Variants in MEIKIN observed in about 807,000 individuals in gnomAD.
MEIKIN encodes the protein meiotic kinetochore factor, also known as meiosis-specific kinetochore protein.
chr5:131,904,333 A>G (rs1463071211), intron 8 of MEIKIN, among the ~76,000 whole-genome samples: 1 of 152,216 alleles, frequency 6.6e-6, no homozygotes, highest in African/African-American at 2.4e-5. Context: ...ATAGATATCT[A>G]CAGAACTCTC....
rs866711718 is a variant in MEIKIN, at chr5:131,887,675, G to C, written c.704-8627C>G. 3.3e-5 allele frequency among the ~76,000 whole-genome samples: 5 copies of C among 150,618 alleles called. No homozygotes were observed. In the East Asian group the frequency reaches 9.8e-4, roughly 29 times the overall value. ...TGTTCATATCCTTTGCTCATTTTTT[G>C]TTGGGTTTTTTTCTTGTAAATTTGT... is the stretch of plus-strand genomic sequence containing the variant. On this transcript the variant is annotated intron_variant, in intron 8 of 12. Coordinates refer to ENST00000442687, the MANE Select transcript of MEIKIN (RefSeq NM_001303622.2).
chr5:131,895,024 T>C (rs1301505980), intron 8 of MEIKIN, among the ~76,000 whole-genome samples: 2 of 152,208 alleles, frequency 1.3e-5, no homozygotes, highest in East Asian at 1.9e-4. Context: ...CAGTATGATA[T>C]TGGCTGTAGG....
Position 131,925,848 on chromosome 5 carries a change from A to T in MEIKIN, c.479-3907T>A, listed in dbSNP as rs115239716. Among the ~76,000 whole-genome samples the T allele has an allele frequency of 3.4e-3, 514 of 151,962 alleles. 4 individuals are homozygous for T. The highest frequency in any genetic ancestry group is 0.012 in the African/African-American group (489 of 41,460). On this transcript the variant is annotated intron_variant, in intron 5 of 12. Coordinates refer to ENST00000442687, the MANE Select transcript of MEIKIN (RefSeq NM_001303622.2). ...CATGCTGGCTTATTTTTGTATTTTT[A>T]GTAGAGAAGGGCTTTCACCATTTTG...
intron 9 of MEIKIN, among the ~76,000 whole-genome samples, chr5:131,876,129 G>A (rs1290957341): frequency 2.0e-5 from 3 of 152,164 alleles, no homozygotes; most frequent in African/African-American, 4.8e-5. Context: ...GGCAACAAAC[G>A]CCAAAATTGA....
intron 9 of MEIKIN, among the ~76,000 whole-genome samples, chr5:131,869,195 T>G (rs1461727264): frequency 6.6e-6 from 1 of 152,244 alleles, no homozygotes; most frequent in African/African-American, 2.4e-5. Context: ...TTTTTGCATT[T>G]GGGGGTCCAG....
chr5:131,887,815 G>C (rs1233818551), intron 8 of MEIKIN, among the ~76,000 whole-genome samples: 31 of 150,848 alleles, frequency 2.1e-4, no homozygotes, highest in Admixed American at 4.6e-4. Context: ...CCATTAACTT[G>C]TCATTTAGCA....
chr5:131,904,119 A>C (rs1036276738), intron 8 of MEIKIN, among the ~76,000 whole-genome samples: 1 of 152,226 alleles, frequency 6.6e-6, no homozygotes, highest in Non-Finnish European at 1.5e-5. Context: ...AAGAAGACCT[A>C]TCTTTCCTAA....
intron 5 of MEIKIN, among the ~76,000 whole-genome samples, chr5:131,922,762 T>C (rs902180767): frequency 5.9e-5 from 9 of 152,324 alleles, no homozygotes; most frequent in Admixed American, 3.9e-4. Flanking sequence ...TTAAGTTAGA[T>C]CAATATTCAT....
chr5:131,872,476 T>C (rs1232021554), intron 9 of MEIKIN, among the ~76,000 whole-genome samples: 2 of 152,148 alleles, frequency 1.3e-5, no homozygotes, highest in East Asian at 1.9e-4. Context: ...TGAACAAGGC[T>C]TCCAAGAAAT....
chr5:131,918,509 T>C (rs1395406753), intron 6 of MEIKIN, among the ~76,000 whole-genome samples: 2 of 152,176 alleles, frequency 1.3e-5, no homozygotes, highest in Non-Finnish European at 2.9e-5. Context: ...AGCTATCAAC[T>C]TTCCAATAAA....
intron 11 of MEIKIN, among the ~76,000 whole-genome samples, chr5:131,831,375 C>A (rs1438996296): frequency 6.6e-6 from 1 of 152,158 alleles, no homozygotes; most frequent in African/African-American, 2.4e-5. Flanking sequence ...CAAAGTAAGA[C>A]TGCTGTCTCA....
At chr5:131,917,123 G>A (rs2149645931) in intron 6 of MEIKIN, among the ~76,000 whole-genome samples, 198 bp from the exon 7 acceptor site, 1 of 152,124 alleles carries the variant, frequency 6.6e-6, no homozygotes, top group East Asian at 1.9e-4. Flanking sequence ...TGAGATACAG[G>A]AATCTCTCCC....
intron 9 of MEIKIN, 104 bp from the exon 10 acceptor site, chr5:131,854,938 C>G (rs1006944592): frequency 1.6e-5 from 6 of 385,348 alleles, no homozygotes; most frequent in Non-Finnish European, 2.8e-5. Flanking sequence ...TCATAATGTA[C>G]AGTACTAAGA....
chr5:131,852,360 G>A (rs1181315667), intron 10 of MEIKIN, among the ~76,000 whole-genome samples: 4 of 152,052 alleles, frequency 2.6e-5, no homozygotes, highest in Non-Finnish European at 5.9e-5. Flanking sequence ...ATGATTGTAA[G>A]TTTCCTGAGG....
rs543808922 is a variant in MEIKIN at position 131,883,587 on chromosome 5, A to G, written c.704-4539T>C. 1.1e-4 allele frequency among the ~76,000 whole-genome samples: 16 copies of G among 152,320 alleles called. No homozygotes were observed. The South Asian group carries it at 3.3e-3, about 32-fold the overall frequency. ...CTGGATTTGTTGAATTAAGAAATGT[A>G]TAAGGAAGGACAAAGCAAGATGGCC... On this transcript the variant is annotated intron_variant, in intron 8 of 12. Coordinates refer to ENST00000442687, the MANE Select transcript of MEIKIN (RefSeq NM_001303622.2).
chr5:131,919,621 A>G (rs1751472514), intron 6 of MEIKIN, among the ~76,000 whole-genome samples: 1 of 152,198 alleles, frequency 6.6e-6, no homozygotes, highest in Non-Finnish European at 1.5e-5. Flanking sequence ...TGGAAAAATC[A>G]AAGTGAAAAA....
At chr5:131,910,831 A>C (rs894172397) in intron 8 of MEIKIN, among the ~76,000 whole-genome samples, 5 of 152,150 alleles carry the variant, frequency 3.3e-5, no homozygotes, top group African/African-American at 1.2e-4. Flanking sequence ...AAAAGTAAGA[A>C]TACAGAAACA....
rs373471850 is a variant in MEIKIN at position 131,811,425 on chromosome 5, G to A, written c.1100-4167C>T. 2.4e-4 allele frequency among the ~76,000 whole-genome samples: 36 copies of A among 151,102 alleles called. No homozygotes were observed. In the South Asian group the frequency reaches 5.0e-3, roughly 21 times the overall value. On this transcript the variant is annotated intron_variant, in intron 12 of 12. Coordinates refer to ENST00000442687, the MANE Select transcript of MEIKIN (RefSeq NM_001303622.2). ...GGCTGGTATGCAGTGGTGCAATCTC[G>A]GCTCACTGCAACCTCTGCCTCCTGG... is the stretch of plus-strand genomic sequence containing the variant.
chr5:131,814,541 C>A (rs972801915), intron 12 of MEIKIN, among the ~76,000 whole-genome samples: 4 of 151,844 alleles, frequency 2.6e-5, no homozygotes, highest in African/African-American at 9.7e-5. Context: ...CCTCCCAAAG[C>A]GGTGGGATTA....
Sources: gnomAD v4.1 joint callset for allele counts (sites outside exome capture counted in the v4.1 genomes callset) on GRCh38, gnomAD v4.1.1 for gene constraint, MANE v1.5 for transcripts, NCBI Gene and HGNC (gene_info 2026-07-23, HGNC 2026-07-21) for gene names.